PALM2AKAP2: variants seen among roughly 807,000 people sequenced by gnomAD.
PALM2AKAP2 encodes PALM2 and AKAP2 fusion, also known as PALM2-AKAP2 fusion protein.
Under a neutral mutation model 71.5 loss-of-function variants are expected in PALM2AKAP2, and 37 were observed. The ratio of observed to expected loss-of-function variants is 0.52; its 90% confidence interval spans 0.40 to 0.68. PALM2AKAP2 has a LOEUF of 0.68. Among genes scored for constraint, PALM2AKAP2 ranks in the 30% least tolerant of loss-of-function variants. The pLI is 0.00. For missense variants in PALM2AKAP2, 1,224 were observed against 1,191.8 expected (o/e 1.03, Z -0.40); for synonymous variants, 468 against 478.8 (o/e 0.98, Z 0.29).
At chr9:109,923,435 C>T (rs1171077714) in intron 3 of PALM2AKAP2, among the ~76,000 whole-genome samples, 1 of 152,182 alleles carries the variant, frequency 6.6e-6, no homozygotes, top group Non-Finnish European at 1.5e-5. Context: ...TAATCTCCCT[C>T]CAAATAAGAA....
At position 109,656,203 on chromosome 9, in the gene PALM2AKAP2, C is replaced by G. The variant is rs142180959; in HGVS notation, c.5+15337C>G. On this transcript the variant is annotated intron_variant, in intron 1 of 6. Transcript: ENST00000374531. ...GAGAGCTCCAGGCAAAAGGAATGGC[C>G]AGTGCGAAGCCTGAGCTAGAAAGGG... is the stretch of plus-strand genomic sequence containing the variant. Among the ~76,000 whole-genome samples the G allele has an allele frequency of 4.7e-3, 716 of 152,182 alleles. 9 individuals carry two copies. Among genetic ancestry groups the G allele is most frequent in the African/African-American group, 0.016 (682 of 41,530 alleles).
At chr9:109,965,793 G>C (rs1393870980) in intron 6 of PALM2AKAP2, among the ~76,000 whole-genome samples, 1 of 151,996 alleles carries the variant, frequency 6.6e-6, no homozygotes, top group East Asian at 1.9e-4. Flanking sequence ...AGATACTCAG[G>C]GGGAAAAAAA....
chr9:109,786,605 A>T (rs949162094), intron 1 of PALM2AKAP2, among the ~76,000 whole-genome samples: 1 of 152,174 alleles, frequency 6.6e-6, no homozygotes, highest in African/African-American at 2.4e-5. Context: ...TGGATAGGTG[A>T]CACTTTGGGC....
At chr9:109,997,558 C>T (rs1001268870) in intron 6 of PALM2AKAP2, among the ~76,000 whole-genome samples, 1 of 152,130 alleles carries the variant, frequency 6.6e-6, no homozygotes, top group African/African-American at 2.4e-5. Context: ...GAGAGGACTC[C>T]CCTACTCAAG....
At chr9:109,841,785 G>C (rs1474099846) in intron 1 of PALM2AKAP2, among the ~76,000 whole-genome samples, 1 of 37,448 alleles carries the variant, frequency 2.7e-5, no homozygotes, top group Non-Finnish European at 5.4e-5. Context: ...AGAGGGTGGG[G>C]GGGTGGAAGG....
At chr9:110,075,197 C>T (rs138294095) in intron 1 of PALM2AKAP2, among the ~76,000 whole-genome samples, 1 of 152,258 alleles carries the variant, frequency 6.6e-6, no homozygotes, top group East Asian at 1.9e-4. Context: ...ACCTGTAGTT[C>T]ATCCCTACTC....
chr9:110,136,065 A>G, intron 1 of PALM2AKAP2, 62 bp from the exon 8 acceptor site: 1 of 1,497,470 alleles, frequency 6.7e-7, no homozygotes, highest in Non-Finnish European at 8.9e-7. Context: ...TCAGTTTGTC[A>G]GCATTCACAT....
chr9:109,744,169 T>C (rs1396487794), intron 1 of PALM2AKAP2, among the ~76,000 whole-genome samples: 1 of 152,112 alleles, frequency 6.6e-6, no homozygotes, highest in Non-Finnish European at 1.5e-5. Context: ...ACTGGAAATC[T>C]CTCTCAGAAT....
intron 1 of PALM2AKAP2, among the ~76,000 whole-genome samples, chr9:110,106,294 G>A (rs1835120105): frequency 6.6e-6 from 1 of 152,260 alleles, no homozygotes; most frequent in Non-Finnish European, 1.5e-5. Context: ...GCCTGGGAGA[G>A]CTGACTATGC....
chr9:109,892,906 A>G (rs1325132965), intron 3 of PALM2AKAP2, among the ~76,000 whole-genome samples: 1 of 152,176 alleles, frequency 6.6e-6, no homozygotes, highest in African/African-American at 2.4e-5. Flanking sequence ...TTTATTATAA[A>G]AATAAAAGAA....
At chr9:110,104,250 T>A (rs1835065678) in intron 1 of PALM2AKAP2, among the ~76,000 whole-genome samples, 1 of 152,204 alleles carries the variant, frequency 6.6e-6, no homozygotes, top group African/African-American at 2.4e-5. Flanking sequence ...CTGTCCAGAT[T>A]TTTGTTGGGA....
At chr9:109,880,292 T>C (rs1359504402) in intron 2 of PALM2AKAP2, among the ~76,000 whole-genome samples, 3 of 152,230 alleles carry the variant, frequency 2.0e-5, no homozygotes, top group Non-Finnish European at 4.4e-5. Context: ...TCATAATTGT[T>C]AAATCTAGAT....
chr9:109,725,064 C>G (rs567846281), intron 1 of PALM2AKAP2, among the ~76,000 whole-genome samples: 2 of 152,014 alleles, frequency 1.3e-5, no homozygotes, highest in South Asian at 4.2e-4. Context: ...GGCCAATAAA[C>G]ATATAAGATG....
chr9:110,032,691 AAAATAAAT>A (rs200694533), intron 7 of PALM2AKAP2, among the ~76,000 whole-genome samples: 28,197 of 131,198 alleles, frequency 0.21, 3,668 homozygotes, highest in African/African-American at 0.34. Flanking sequence ...ATTCTGTCTC[AAAATAAAT>A]AAATAAATAA....
chr9:109,957,255 G>A (rs965117174), intron 6 of PALM2AKAP2, among the ~76,000 whole-genome samples: 2 of 152,168 alleles, frequency 1.3e-5, no homozygotes, highest in African/African-American at 4.8e-5. Flanking sequence ...GCAAAGTTAC[G>A]TGGCCAGATG....
intron 6 of PALM2AKAP2, among the ~76,000 whole-genome samples, chr9:109,935,924 C>T (rs1301327930): frequency 6.6e-6 from 1 of 152,162 alleles, no homozygotes; most frequent in African/African-American, 2.4e-5. Flanking sequence ...GAAAACTCTC[C>T]TTCTTGACCA....
At chr9:109,946,874 A>G (rs1181148445) in intron 6 of PALM2AKAP2, among the ~76,000 whole-genome samples, 1 of 152,284 alleles carries the variant, frequency 6.6e-6, no homozygotes, top group East Asian at 1.9e-4. Context: ...AAAAATCTTA[A>G]TGACTTCTGT....
Position 110,028,848 on chromosome 9 carries a change from G to T in PALM2AKAP2, c.582+12809G>T, listed in dbSNP as rs113594065. On this transcript the variant is annotated intron_variant, in intron 7 of 9. Transcript: ENST00000302798. ...GTATTTTTATTTGCCAAGTCCAGTG[G>T]CCCTAGGCAAGAGGAGTGTTGCAAA... Among the ~76,000 whole-genome samples, 562 of 151,820 alleles carry T rather than the reference G, an allele frequency of 3.7e-3. 5 individuals are homozygous for T. Among genetic ancestry groups the T allele is most frequent in the African/African-American group, 0.013 (542 of 41,376 alleles).
intron 7 of PALM2AKAP2, among the ~76,000 whole-genome samples, chr9:110,043,388 AT>A (rs1392047030): frequency 6.6e-6 from 1 of 152,130 alleles, no homozygotes; most frequent in Admixed American, 6.5e-5. Flanking sequence ...AATTTGAGAG[AT>A]TTTGTAAACT....
Sources: allele counts gnomAD v4.1 joint callset (sites outside exome capture counted in the v4.1 genomes callset), GRCh38; gene constraint gnomAD v4.1.1; transcripts MANE v1.5; gene names NCBI Gene and HGNC (gene_info 2026-07-23, HGNC 2026-07-21).